DLGAP2: variants seen among roughly 807,000 people sequenced by gnomAD.
DLGAP2 encodes DLG associated protein 2.
A neutral mutation model predicts 100.3 loss-of-function variants in DLGAP2; 26 were observed. The observed-to-expected ratio is 0.26, with a 90% CI of 0.19 to 0.36. The LOEUF (loss-of-function observed/expected upper bound fraction) is 0.36, where lower values mean the gene tolerates loss of function less well. DLGAP2 is among the 10% of genes least tolerant of loss of function. DLGAP2 has a pLI of 1.00. For synonymous variants in DLGAP2, 886 were observed against 630.1 expected (o/e 1.41, Z -6.08); for missense variants, 1,858 against 1,453.2 (o/e 1.28, Z -4.53).
At chr8:1,328,234 A>C (rs1399299555) in intron 3 of DLGAP2, among the ~76,000 whole-genome samples, 1 of 151,176 alleles carries the variant, frequency 6.6e-6, no homozygotes, top group Non-Finnish European at 1.5e-5. Context: ...TTGAGACAGG[A>C]TTTCACCTCA....
chr8:1,043,688 T>C (rs1212529939), intron 2 of DLGAP2, among the ~76,000 whole-genome samples: 5 of 152,020 alleles, frequency 3.3e-5, no homozygotes, highest in African/African-American at 9.7e-5. Context: ...CATGTGGATT[T>C]GGACCAGGTG....
chr8:1,326,219 G>C (rs928599367), intron 3 of DLGAP2, among the ~76,000 whole-genome samples: 15 of 152,208 alleles, frequency 9.9e-5, no homozygotes, highest in Non-Finnish European at 2.1e-4. Flanking sequence ...CTGTGTGACA[G>C]CAGTTTTAAA....
intron 8 of DLGAP2, among the ~76,000 whole-genome samples, chr8:1,658,157 G>A (rs1036875961): frequency 1.3e-5 from 2 of 151,962 alleles, no homozygotes; most frequent in Non-Finnish European, 2.9e-5. Flanking sequence ...GCAAATGAGG[G>A]CTCCACCCTC....
intron 5 of DLGAP2, among the ~76,000 whole-genome samples, chr8:1,557,282 C>G (rs911353836): frequency 6.6e-6 from 1 of 152,064 alleles, no homozygotes; most frequent in Non-Finnish European, 1.5e-5. Flanking sequence ...GCTGTGCAGC[C>G]GGGGGGCTCA....
chr8:853,871 C>A (rs75609700), intron 1 of DLGAP2, among the ~76,000 whole-genome samples: 16,292 of 152,162 alleles, frequency 0.11, 1,363 homozygotes, highest in Admixed American at 0.26. Flanking sequence ...CATACCCTAA[C>A]CCCCAATGTG....
chr8:1,650,307 A>G (rs1391403591), intron 8 of DLGAP2, among the ~76,000 whole-genome samples: 1 of 152,240 alleles, frequency 6.6e-6, no homozygotes, highest in Non-Finnish European at 1.5e-5. Context: ...ACATGAAGAG[A>G]TAATCATGTT....
intron 2 of DLGAP2, among the ~76,000 whole-genome samples, chr8:958,604 A>C (rs1321305412): frequency 1.3e-5 from 2 of 148,336 alleles, no homozygotes; most frequent in African/African-American, 2.6e-5. Flanking sequence ...AAAAAAAAAA[A>C]CTTTTCCCGG....
chr8:1,528,625 C>T (rs527453844), intron 4 of DLGAP2, among the ~76,000 whole-genome samples: 2 of 152,234 alleles, frequency 1.3e-5, no homozygotes, highest in South Asian at 2.1e-4. Flanking sequence ...CACCACCTTC[C>T]GCCTGGAGCC....
chr8:1,201,096 C>G (rs777960833), intron 2 of DLGAP2, among the ~76,000 whole-genome samples: 1 of 152,188 alleles, frequency 6.6e-6, no homozygotes, highest in Non-Finnish European at 1.5e-5. Context: ...ACTGGGGAGG[C>G]TGCTCCCCGT....
chr8:1,237,619 G>C (rs1432139307), intron 2 of DLGAP2, among the ~76,000 whole-genome samples: 973 of 68,238 alleles, frequency 0.014, no homozygotes, highest in Middle Eastern at 0.023. Context: ...GTCTAGTTAC[G>C]TCTCACATGG....
At chr8:1,625,291 A>G (rs1402717769) in intron 6 of DLGAP2, among the ~76,000 whole-genome samples, 4 of 152,256 alleles carry the variant, frequency 2.6e-5, no homozygotes, top group African/African-American at 9.6e-5. Context: ...ATAAAATAAA[A>G]TGAATTTTAC....
chr8:1,538,317 G>T (rs4295684), intron 4 of DLGAP2, among the ~76,000 whole-genome samples: 7 of 152,004 alleles, frequency 4.6e-5, no homozygotes, highest in African/African-American at 1.2e-4. Context: ...ACTCCCTTGA[G>T]CTCCAGGCTG....
chr8:1,214,240 T>G (rs3943510), intron 2 of DLGAP2, among the ~76,000 whole-genome samples: 81,527 of 151,968 alleles, frequency 0.54, 22,907 homozygotes, highest in East Asian at 0.76. Context: ...CCTCAGCAAG[T>G]CCTCTCCCAA....
chr8:1,676,702 G>T, intron 11 of DLGAP2, 84 bp downstream of exon 11: 2 of 1,371,476 alleles, frequency 1.5e-6, no homozygotes, highest in Non-Finnish European at 2.0e-6. Flanking sequence ...AGATCCTGCC[G>T]GCCCTCAATC....
chr8:1,096,920 C>G (rs1405946010), intron 2 of DLGAP2, among the ~76,000 whole-genome samples: 168 of 67,344 alleles, frequency 2.5e-3, no homozygotes, highest in East Asian at 4.9e-3. Context: ...GCGCTCAGTA[C>G]AGTGGAGCTG....
intron 4 of DLGAP2, among the ~76,000 whole-genome samples, chr8:1,530,225 A>G (rs552308478): frequency 6.9e-4 from 105 of 152,190 alleles, no homozygotes; most frequent in African/African-American, 2.0e-3. Context: ...AGACAGGTGC[A>G]CCTGGGGGGG....
At chr8:927,934 AG>A (rs1798854502) in intron 2 of DLGAP2, among the ~76,000 whole-genome samples, 1 of 152,252 alleles carries the variant, frequency 6.6e-6, no homozygotes, top group South Asian at 2.1e-4. Context: ...GAGCAGTGCC[AG>A]GCCCATCAGA....
At chr8:1,676,117 C>A (rs1272884716) in intron 10 of DLGAP2, among the ~76,000 whole-genome samples, 1 of 152,160 alleles carries the variant, frequency 6.6e-6, no homozygotes, top group African/African-American at 2.4e-5. Context: ...GTGGATGCAG[C>A]CATCAGTATA....
At chr8:789,459 A>C (rs1054002029) in intron 1 of DLGAP2, among the ~76,000 whole-genome samples, 1 of 152,166 alleles carries the variant, frequency 6.6e-6, no homozygotes, top group Non-Finnish European at 1.5e-5. Flanking sequence ...CCTGTGATCC[A>C]GTTACCCCCC....
Sources: allele counts gnomAD v4.1 joint callset (sites outside exome capture counted in the v4.1 genomes callset), GRCh38; gene constraint gnomAD v4.1.1; transcripts MANE v1.5; gene names NCBI Gene and HGNC (gene_info 2026-07-23, HGNC 2026-07-21).